RANBP2: variants seen among roughly 807,000 people sequenced by gnomAD.
RANBP2 encodes the protein E3 SUMO-protein ligase RanBP2.
Under a neutral mutation model 303.6 loss-of-function variants are expected in RANBP2, and 57 were observed. That is an observed-to-expected ratio of 0.19 (90% CI 0.15 to 0.23). RANBP2 has a LOEUF of 0.23. RANBP2 is among the 10% of genes least tolerant of loss of function. RANBP2 has a pLI of 1.00. For synonymous variants in RANBP2, 1,167 were observed against 1,301.5 expected, an observed-to-expected ratio of 0.90 and a Z score of 2.23; for missense variants, 3,138 against 3,780.8, an observed-to-expected ratio of 0.83 and a Z score of 4.46.
the RANBP2 span, among the ~76,000 whole-genome samples, chr2:108,954,004 T>C: frequency 6.6e-6 from 1 of 152,186 alleles, no homozygotes; most frequent in Non-Finnish European, 1.5e-5. Flanking sequence ...ATGATAAGTC[T>C]TCTAGGGTCA....
the RANBP2 span, among the ~76,000 whole-genome samples, chr2:109,669,519 A>G: frequency 6.6e-6 from 1 of 152,336 alleles, no homozygotes; most frequent in Non-Finnish European, 1.5e-5. Flanking sequence ...TTAAAAATGA[A>G]CAGAAGATCT....
At chr2:109,082,644 A>G in the RANBP2 span, among the ~76,000 whole-genome samples, 1 of 152,244 alleles carries the variant, frequency 6.6e-6, no homozygotes, top group African/African-American at 2.4e-5. Context: ...GGTAATATAT[A>G]CAAAACATAA....
chr2:109,721,378 C>A, the RANBP2 span, among the ~76,000 whole-genome samples: 1 of 152,196 alleles, frequency 6.6e-6, no homozygotes, highest in Non-Finnish European at 1.5e-5. Context: ...TCCAAAGTGG[C>A]AGACTCATAA....
chr2:109,678,413 G>A, the RANBP2 span, among the ~76,000 whole-genome samples: 1 of 152,166 alleles, frequency 6.6e-6, no homozygotes, highest in Non-Finnish European at 1.5e-5. Context: ...CACTGGGCCT[G>A]GGGTGCTCCC....
At chr2:108,851,017 C>T in the RANBP2 span, among the ~76,000 whole-genome samples, 1 of 152,182 alleles carries the variant, frequency 6.6e-6, no homozygotes, top group African/African-American at 2.4e-5. Flanking sequence ...CAAGTCCGGC[C>T]CTCTGGAACT....
the RANBP2 span, among the ~76,000 whole-genome samples, chr2:109,130,719 C>T: frequency 6.6e-6 from 1 of 152,196 alleles, no homozygotes; most frequent in African/African-American, 2.4e-5. Context: ...CCAAGGTCTT[C>T]TCCTGGGCTC....
At chr2:109,053,984 C>T in the RANBP2 span, among the ~76,000 whole-genome samples, 1 of 152,208 alleles carries the variant, frequency 6.6e-6, no homozygotes, top group Non-Finnish European at 1.5e-5. Context: ...CCTGCCATCA[C>T]CAAGAGACCA....
At chr2:108,890,394 G>A in the RANBP2 span, among the ~76,000 whole-genome samples, 1 of 151,972 alleles carries the variant, frequency 6.6e-6, no homozygotes, top group Non-Finnish European at 1.5e-5. Flanking sequence ...ACAGGCACAA[G>A]CCCCATGCCT....
the RANBP2 span, among the ~76,000 whole-genome samples, chr2:109,276,578 G>C: frequency 5.3e-5 from 8 of 152,320 alleles, no homozygotes; most frequent in South Asian, 1.5e-3. Context: ...TGTTTCATTT[G>C]TATATTGTGA....
At chr2:108,857,824 A>G in the RANBP2 span, among the ~76,000 whole-genome samples, 1 of 152,334 alleles carries the variant, frequency 6.6e-6, no homozygotes, top group African/African-American at 2.4e-5. Context: ...AATGAGAAAA[A>G]CAAAAATCAT....
At chr2:109,353,415 C>T in the RANBP2 span, among the ~76,000 whole-genome samples, 8 of 152,364 alleles carry the variant, frequency 5.3e-5, no homozygotes, top group Non-Finnish European at 8.8e-5. Context: ...CTGAGACTCC[C>T]TGTCCACACC....
the RANBP2 span, among the ~76,000 whole-genome samples, chr2:109,083,448 C>G: frequency 6.6e-6 from 1 of 152,228 alleles, no homozygotes; most frequent in Non-Finnish European, 1.5e-5. Flanking sequence ...CAGCTTCATC[C>G]ATGCTGCAGC....
the RANBP2 span, chr2:109,545,796 GA>G: frequency 1.4e-6 from 2 of 1,424,808 alleles, no homozygotes; most frequent in Non-Finnish European, 9.1e-7. Context: ...TTCACACTGT[GA>G]TGTATTTTTA....
At chr2:108,809,933 G>A in the RANBP2 span, among the ~76,000 whole-genome samples, 1 of 152,134 alleles carries the variant, frequency 6.6e-6, no homozygotes, top group Non-Finnish European at 1.5e-5. Context: ...AGCCTCCTGA[G>A]TAGCTGGGAT....
At chr2:109,177,306 G>A in the RANBP2 span, among the ~76,000 whole-genome samples, 1 of 152,182 alleles carries the variant, frequency 6.6e-6, no homozygotes, top group African/African-American at 2.4e-5. Flanking sequence ...AATGCATGGT[G>A]ATTTTCTTTT....
the RANBP2 span, among the ~76,000 whole-genome samples, chr2:109,180,494 A>G: frequency 2.0e-5 from 3 of 151,952 alleles, no homozygotes; most frequent in Non-Finnish European, 2.9e-5. Context: ...CCCCACCCAA[A>G]TCTCATCTTG....
the RANBP2 span, among the ~76,000 whole-genome samples, chr2:108,890,443 C>T: frequency 2.6e-5 from 4 of 152,056 alleles, no homozygotes; most frequent in African/African-American, 9.7e-5. Context: ...AGCGGTTTTG[C>T]CATGTTGCCC....
the RANBP2 span, among the ~76,000 whole-genome samples, chr2:109,422,169 T>G: frequency 6.6e-6 from 1 of 152,188 alleles, no homozygotes; most frequent in Non-Finnish European, 1.5e-5. Context: ...GAACATGAGA[T>G]GTGCTGTCGT....
At chr2:109,165,115 T>TC in the RANBP2 span, among the ~76,000 whole-genome samples, 1 of 152,258 alleles carries the variant, frequency 6.6e-6, no homozygotes, top group South Asian at 2.1e-4. Flanking sequence ...GTTCCTGGCT[T>TC]CCCCCCTCCT....
Sources: allele counts gnomAD v4.1 joint callset (sites outside exome capture counted in the v4.1 genomes callset), GRCh38; gene constraint gnomAD v4.1.1; transcripts MANE v1.5; gene names NCBI Gene and HGNC (gene_info 2026-07-23, HGNC 2026-07-21).